Variants in SV2C observed in about 807,000 individuals in gnomAD.
SV2C encodes solute carrier family 22 member B3.
Under a neutral mutation model 79.7 loss-of-function variants are expected in SV2C, and 49 were observed. The observed-to-expected ratio is 0.61, with a 90% CI of 0.49 to 0.78. The LOEUF (loss-of-function observed/expected upper bound fraction) is 0.78, where lower values mean the gene tolerates loss of function less well. SV2C is among the 30% of genes least tolerant of loss of function. The probability of loss-of-function intolerance (pLI) is 0.00; values close to 1 mark genes in which losing one functional copy is unlikely to be tolerated. For synonymous variants in SV2C, 334 were observed against 333.2 expected, an observed-to-expected ratio of 1.00 and a Z score of -0.03; for missense variants, 833 against 912.9, an observed-to-expected ratio of 0.91 and a Z score of 1.13.
intron 4 of SV2C, among the ~76,000 whole-genome samples, chr5:76,245,680 A>G (rs1398784626): frequency 6.6e-6 from 1 of 152,194 alleles, no homozygotes; most frequent in Non-Finnish European, 1.5e-5. Context: ...GTCTCCACCA[A>G]TGACAGCTGT....
intron 1 of SV2C, among the ~76,000 whole-genome samples, chr5:76,085,252 A>T: frequency 6.6e-6 from 1 of 152,308 alleles, no homozygotes; most frequent in Non-Finnish European, 1.5e-5. Flanking sequence ...TTGCGCCACC[A>T]TTCTGCAGGA....
chr5:76,297,797 G>T (rs1747828232), intron 9 of SV2C, among the ~76,000 whole-genome samples: 1 of 152,164 alleles, frequency 6.6e-6, no homozygotes, highest in South Asian at 2.1e-4. Flanking sequence ...TTAGTAAACT[G>T]CTTTTAAATC....
At chr5:76,090,879 A>C (rs1292445712) in intron 1 of SV2C, among the ~76,000 whole-genome samples, 1 of 152,198 alleles carries the variant, frequency 6.6e-6, no homozygotes, top group Non-Finnish European at 1.5e-5. Context: ...GCAGCACGGA[A>C]GTTTCTGCAG....
the SV2C span, among the ~76,000 whole-genome samples, chr5:75,908,303 C>T: frequency 0.017 from 2,520 of 152,330 alleles, 36 homozygotes; most frequent in African/African-American, 0.043. Flanking sequence ...TTGTGTCACA[C>T]ATTATGTATC....
At chr5:76,065,008 A>G in the SV2C span, among the ~76,000 whole-genome samples, 1 of 152,316 alleles carries the variant, frequency 6.6e-6, no homozygotes, top group East Asian at 1.9e-4. Flanking sequence ...TGCCTTTGTT[A>G]TGTGAGTGGT....
chr5:76,249,299 T>A (rs1429600607), intron 4 of SV2C, among the ~76,000 whole-genome samples: 4 of 152,164 alleles, frequency 2.6e-5, no homozygotes, highest in Non-Finnish European at 5.9e-5. Flanking sequence ...TGTAGTAGAT[T>A]TTGTTTACTC....
chr5:76,136,251 G>A (rs111571704), intron 2 of SV2C, among the ~76,000 whole-genome samples: 2,399 of 152,230 alleles, frequency 0.016, 54 homozygotes, highest in African/African-American at 0.051. Flanking sequence ...CCTAATTCCC[G>A]TATGCATTGG....
intron 4 of SV2C, among the ~76,000 whole-genome samples, chr5:76,220,582 G>T (rs1029203742): frequency 4.8e-5 from 6 of 124,498 alleles, no homozygotes; most frequent in Non-Finnish European, 8.2e-5. Flanking sequence ...CAAGGCACCA[G>T]AATTGCTTGA....
intron 1 of SV2C, among the ~76,000 whole-genome samples, chr5:76,110,354 C>G (rs928277996): frequency 6.6e-6 from 1 of 152,164 alleles, no homozygotes; most frequent in African/African-American, 2.4e-5. Context: ...TGGACAGTAT[C>G]ACTTGGTACC....
chr5:76,026,668 C>T, the SV2C span, among the ~76,000 whole-genome samples: 44,155 of 152,118 alleles, frequency 0.29, 7,163 homozygotes, highest in East Asian at 0.49. Context: ...AGCCAGATTA[C>T]AGGAATTCCA....
chr5:75,855,328 A>T, the SV2C span, among the ~76,000 whole-genome samples: 15 of 152,292 alleles, frequency 9.8e-5, no homozygotes, highest in Admixed American at 2.6e-4. Context: ...GAAGAGAGAA[A>T]TACAATTCAT....
chr5:76,045,911 TG>T, the SV2C span, among the ~76,000 whole-genome samples: 51 of 152,210 alleles, frequency 3.4e-4, no homozygotes, highest in Admixed American at 9.2e-4. Flanking sequence ...GAGTGGGACA[TG>T]GGGAGGGGTA....
the SV2C span, among the ~76,000 whole-genome samples, chr5:75,876,248 A>G: frequency 1.3e-5 from 2 of 152,304 alleles, no homozygotes; most frequent in Admixed American, 1.3e-4. Context: ...CATAAAAATA[A>G]TGAGATCATG....
chr5:76,151,817 C>T (rs1331196565), intron 2 of SV2C, among the ~76,000 whole-genome samples: 1 of 53,636 alleles, frequency 1.9e-5, no homozygotes, highest in Non-Finnish European at 5.3e-5. Context: ...AGTGGTGCCA[C>T]CCAGTGAATC....
intron 12 of SV2C, among the ~76,000 whole-genome samples, chr5:76,316,524 CGTGCACTTTGGTT>C (rs1748625433): frequency 6.6e-6 from 1 of 152,114 alleles, no homozygotes; most frequent in Non-Finnish European, 1.5e-5. Flanking sequence ...CATGGTTATA[CGTGCACTTTGGTT>C]CAATCAGATT....
At chr5:75,878,854 A>T in the SV2C span, among the ~76,000 whole-genome samples, 15 of 143,578 alleles carry the variant, frequency 1.0e-4, no homozygotes, top group South Asian at 1.8e-3. Context: ...AATTTATATT[A>T]AAAAAAAGGT....
chr5:76,156,488 G>C (rs1027333510), intron 2 of SV2C, among the ~76,000 whole-genome samples: 1 of 152,138 alleles, frequency 6.6e-6, no homozygotes, highest in Non-Finnish European at 1.5e-5. Flanking sequence ...GAAAAACTAT[G>C]AGATATGCCA....
At chr5:76,166,374 C>T (rs377262170) in intron 2 of SV2C, among the ~76,000 whole-genome samples, 11 of 152,122 alleles carry the variant, frequency 7.2e-5, no homozygotes, top group African/African-American at 2.2e-4. Flanking sequence ...GACCATCAAA[C>T]CCCTATTTGG....
chr5:76,232,431 T>C (rs1745449196), intron 4 of SV2C, among the ~76,000 whole-genome samples: 1 of 146,336 alleles, frequency 6.8e-6, no homozygotes, highest in East Asian at 2.0e-4. Context: ...GTGCAGAAGC[T>C]CTTTAGTTTA....
Sources: gnomAD v4.1 joint callset for allele counts (sites outside exome capture counted in the v4.1 genomes callset) on GRCh38, gnomAD v4.1.1 for gene constraint, MANE v1.5 for transcripts, NCBI Gene and HGNC (gene_info 2026-07-23, HGNC 2026-07-21) for gene names.